The following SYNRG variants were observed in gnomAD, a reference collection of about 807,000 sequenced individuals.
The protein encoded by SYNRG is synergin gamma, also known as AP1 gamma subunit binding protein 1.
A neutral mutation model predicts 130.9 loss-of-function variants in SYNRG; 37 were observed. The observed-to-expected ratio is 0.28, with a 90% CI of 0.22 to 0.37. The LOEUF (loss-of-function observed/expected upper bound fraction) is 0.37, where lower values mean the gene tolerates loss of function less well. SYNRG is among the 10% of genes least tolerant of loss of function. The pLI, the probability that SYNRG is intolerant of heterozygous loss-of-function variation, is 1.00. For missense variants in SYNRG, 1,338 were observed against 1,588.9 expected (o/e 0.84, Z 2.68); for synonymous variants, 539 against 568.1 (o/e 0.95, Z 0.73).
chr17:37,577,537 A>G lies in SYNRG; in HGVS notation c.666T>C (p.Thr222=). ...TSGQEQIKLN[T]SEVGHKALGP... ...CTAGGGCTTTGTGGCCAACTTCAGA[A>G]GTATTTAATTTAATTTGTTCCTGCC... is the stretch of plus-strand genomic sequence containing the variant. The change falls in exon 7 of 22, where the codon ACT becomes ACC. Residue 222 remains threonine (T), a synonymous_variant. Coordinates refer to ENST00000612223, the MANE Select transcript of SYNRG (RefSeq NM_007247.6). 6.2e-7 allele frequency: 1 copy of G among 1,614,142 alleles called. No individual in the cohort carries two copies. Among genetic ancestry groups the G allele is most frequent in the Non-Finnish European group, 8.5e-7 (1 of 1,180,038 alleles).
At chr17:37,565,048 G>C (rs1185940544) in intron 11 of SYNRG, among the ~76,000 whole-genome samples, 1 of 152,208 alleles carries the variant, frequency 6.6e-6, no homozygotes, top group African/African-American at 2.4e-5. Flanking sequence ...CAGATCACCT[G>C]AGGTCAGGAG....
At chr17:37,538,095 C>T (rs1209633957) in intron 18 of SYNRG, among the ~76,000 whole-genome samples, 1 of 152,212 alleles carries the variant, frequency 6.6e-6, no homozygotes, top group Non-Finnish European at 1.5e-5. Flanking sequence ...TATAATTTTA[C>T]ATTTTTGCTA....
intron 7 of SYNRG, 174 bp from the exon 8 acceptor site, chr17:37,576,592 T>G (rs1213280199): frequency 1.1e-5 from 6 of 528,898 alleles, no homozygotes; most frequent in Non-Finnish European, 2.0e-5. Flanking sequence ...ATTTGGTTTT[T>G]AAGCAACTCT....
chr17:37,597,742 T>A (rs1013842654), intron 2 of SYNRG, among the ~76,000 whole-genome samples: 11 of 152,208 alleles, frequency 7.2e-5, no homozygotes, highest in African/African-American at 2.4e-4. Flanking sequence ...TAATAAATAC[T>A]AAATGCTTAT....
chr17:37,552,151 C>G (rs938001448), intron 14 of SYNRG, among the ~76,000 whole-genome samples: 1 of 152,202 alleles, frequency 6.6e-6, no homozygotes, highest in African/African-American at 2.4e-5. Context: ...GGAAGTGTCT[C>G]ACGTGTCCCC....
In SYNRG at chr17:37,557,488, G is replaced by C. The variant is rs545400003; in HGVS notation, c.1664-3429C>G. Among the ~76,000 whole-genome samples the C allele has an allele frequency of 7.2e-5, 11 of 152,280 alleles. No individual in the cohort carries two copies. The South Asian group carries it at 2.3e-3, about 32-fold the overall frequency. Reference sequence around the variant, plus strand: ...AATCTATTCTCCTAAAATGAACAAAGTTGGCAACTCTACTTGGAAAACCTT... The same window carrying C: ...AATCTATTCTCCTAAAATGAACAAACTTGGCAACTCTACTTGGAAAACCTT... On this transcript the variant is annotated intron_variant, in intron 13 of 21. Coordinates refer to ENST00000612223, the MANE Select transcript of SYNRG (RefSeq NM_007247.6).
chr17:37,529,928 C>T (rs1257407117), intron 19 of SYNRG: 1 of 1,272,586 alleles, frequency 7.9e-7, no homozygotes, highest in Non-Finnish European at 1.1e-6. Flanking sequence ...GCAGTAAGAA[C>T]CGATTGCCAC....
chr17:37,570,917 G>T (rs2060383588), intron 9 of SYNRG, 32 bp from the exon 10 acceptor site: 1 of 1,595,628 alleles, frequency 6.3e-7, no homozygotes, highest in Non-Finnish European at 8.5e-7. Context: ...TGGATTAGAG[G>T]ATTGTAAACC....
intron 14 of SYNRG, among the ~76,000 whole-genome samples, chr17:37,550,492 C>T (rs544746460): frequency 1.3e-5 from 2 of 152,218 alleles, no homozygotes; most frequent in Admixed American, 1.3e-4. Flanking sequence ...TTACACACAT[C>T]CCCACACTTT....
intron 14 of SYNRG, among the ~76,000 whole-genome samples, chr17:37,543,169 T>C (rs2057930173): frequency 6.6e-6 from 1 of 152,202 alleles, no homozygotes; most frequent in Admixed American, 6.5e-5. Context: ...CTAGTTGTTA[T>C]TTTGGTCAAA....
At position 37,547,008 on chromosome 17, in the gene SYNRG, A is replaced by G. The variant is rs998197186; in HGVS notation, c.2609-4443T>C. ...AACTAAAAAACCTGGTCTGTGTCCT[A>G]TAAGTCTCAAACACTGAAGAAAACA... On this transcript the variant is annotated intron_variant, in intron 14 of 21. Coordinates refer to ENST00000612223, the MANE Select transcript of SYNRG (RefSeq NM_007247.6). Among the ~76,000 whole-genome samples, 6 of 152,196 alleles carry G rather than the reference A, an allele frequency of 3.9e-5. No homozygotes were observed. The East Asian group carries it at 5.8e-4, about 15-fold the overall frequency.
At chr17:37,545,437 A>C (rs2058197632) in intron 14 of SYNRG, among the ~76,000 whole-genome samples, 1 of 152,182 alleles carries the variant, frequency 6.6e-6, no homozygotes, top group Admixed American at 6.5e-5. Context: ...GATAAATTTA[A>C]TGAAAAGATA....
At position 37,571,950 on chromosome 17, in the gene SYNRG, T is replaced by G; in HGVS notation, c.939A>C (p.Pro313=). The change falls in exon 9 of 22, where the codon CCA becomes CCC. Residue 313 remains proline, a synonymous_variant. Transcript: ENST00000612223. ...ACAGTTTGGCAGTATCTATTCCAGTTGGAGTCATTGTGGTTTCTAAGATTT... is the reference window on the plus strand; with the variant it reads ...ACAGTTTGGCAGTATCTATTCCAGTGGGAGTCATTGTGGTTTCTAAGATTT... ...YKKILETTMT[P]TGIDTAKLYP... The G allele has an allele frequency of 5.6e-6, 9 of 1,613,402 alleles. No individual in the cohort carries two copies. Among genetic ancestry groups the G allele is most frequent in the Non-Finnish European group, 7.6e-6 (9 of 1,179,842 alleles).
Position 37,577,506 on chromosome 17 carries a change from C to A in SYNRG, c.697G>T (p.Gly233Cys), listed in dbSNP as rs1568456052. The A allele has an allele frequency of 6.2e-7, 1 of 1,614,154 alleles. No individual in the cohort carries two copies. Among genetic ancestry groups the A allele is most frequent in the Non-Finnish European group, 8.5e-7 (1 of 1,180,032 alleles). The change falls in exon 7 of 22, where the codon GGT becomes TGT. Residue 233 changes from glycine to cysteine, a missense_variant. Gly to Cys is a radical substitution (Grantham distance 159). Transcript: ENST00000612223. ...AAACTGGGATACTTCTTACTGGAAC[C>A]TGGGCCTAGGGCTTTGTGGCCAACT... is the stretch of plus-strand genomic sequence containing the variant. ...SEVGHKALGP[G>C]SSKKYPSLMA...
chr17:37,602,937 T>C (rs1443570457), intron 1 of SYNRG, among the ~76,000 whole-genome samples: 4 of 152,158 alleles, frequency 2.6e-5, no homozygotes, highest in Admixed American at 2.0e-4. Context: ...GACATGAGCA[T>C]TGCTTGAACC....
chr17:37,597,428 A>C (rs531143428), intron 2 of SYNRG, among the ~76,000 whole-genome samples: 24 of 152,374 alleles, frequency 1.6e-4, no homozygotes, highest in African/African-American at 5.5e-4. Flanking sequence ...CTAACAAAAT[A>C]ACAGTTAGGA....
chr17:37,541,999 G>A lies in SYNRG; in HGVS notation c.3175C>T (p.Leu1059=), dbSNP rs1189377251. ...KSSEEMIKSE[L]ATFDLSVQGS... ...TGAACAGAAAGGTCAAAGGTTGCCA[G>A]CTCACTTTTGATCATTTCTTCACTG... The change falls in exon 15 of 22, where the codon CTG becomes TTG. Residue 1059 remains leucine, a synonymous_variant. Transcript: ENST00000612223. 6.2e-7 allele frequency: 1 copy of A among 1,614,122 alleles called. No homozygotes were observed. The highest frequency in any genetic ancestry group is 1.1e-5 in the South Asian group (1 of 91,088).
At chr17:37,607,102 C>G (rs1023431795) in intron 1 of SYNRG, among the ~76,000 whole-genome samples, 1 of 152,164 alleles carries the variant, frequency 6.6e-6, no homozygotes, top group Non-Finnish European at 1.5e-5. Context: ...ATGTACCATA[C>G]ATTTTTCAAG....
At chr17:37,590,706 A>T (rs2146663226) in intron 3 of SYNRG, among the ~76,000 whole-genome samples, 1 of 152,268 alleles carries the variant, frequency 6.6e-6, no homozygotes, top group South Asian at 2.1e-4. Context: ...GGATTGCTTG[A>T]GGTCAGGAGT....
Sources: gnomAD v4.1 joint callset for allele counts (sites outside exome capture counted in the v4.1 genomes callset) on GRCh38, gnomAD v4.1.1 for gene constraint, MANE v1.5 for transcripts, NCBI Gene and HGNC (gene_info 2026-07-23, HGNC 2026-07-21) for gene names.